The following ZSWIM6 variants were observed in gnomAD, a reference collection of about 807,000 sequenced individuals.
ZSWIM6 encodes the protein zinc finger SWIM domain-containing protein 6.
In ZSWIM6, 9 loss-of-function variants were observed where a neutral mutation model predicts 113.2. The ratio of observed to expected loss-of-function variants is 0.08; its 90% CI spans 0.05 to 0.14. The LOEUF is 0.14. Ranked by LOEUF, ZSWIM6 falls within the 10% of genes least tolerant of loss-of-function variation. The pLI, the probability that ZSWIM6 is intolerant of heterozygous loss-of-function variation, is 1.00. For missense variants in ZSWIM6, 1,162 were observed against 1,552.2 expected (o/e 0.75, Z 4.22); for synonymous variants, 611 against 606.5 (o/e 1.01, Z -0.11).
In ZSWIM6 at chr5:61,531,851, G is replaced by A. The variant is rs912092933; in HGVS notation, c.2245+126G>A. On this transcript the variant is annotated intron_variant, in intron 9 of 13. Coordinates refer to ENST00000252744, the MANE Select transcript of ZSWIM6 (RefSeq NM_020928.2). ...TTATCCTGATTGCTATAGTCATGGGGTATCAAAGACATGTTCGCTGTCTAA... is the reference window on the plus strand; with the variant it reads ...TTATCCTGATTGCTATAGTCATGGGATATCAAAGACATGTTCGCTGTCTAA... 55 of 1,061,850 alleles carry A rather than the reference G, an allele frequency of 5.2e-5. No homozygotes were observed. The African/African-American group carries it at 8.3e-4, about 16-fold the overall frequency. The allele number at this position is 1,061,850 out of a possible 1,614,324, so 65.8% of individuals were successfully genotyped here.
chr5:61,373,034 C>T (rs1387456991), intron 1 of ZSWIM6, among the ~76,000 whole-genome samples: 1 of 152,096 alleles, frequency 6.6e-6, no homozygotes. Context: ...ATTTTCACTT[C>T]CTTTCTCCAG....
chr5:61,449,773 T>C (rs1747046831), intron 1 of ZSWIM6, among the ~76,000 whole-genome samples: 1 of 151,964 alleles, frequency 6.6e-6, no homozygotes, highest in Non-Finnish European at 1.5e-5. Context: ...TATGCTCTTT[T>C]CCCCTCTCCT....
intron 1 of ZSWIM6, among the ~76,000 whole-genome samples, chr5:61,397,969 G>T (rs752933247): frequency 1.3e-5 from 2 of 152,168 alleles, no homozygotes; most frequent in African/African-American, 2.4e-5. Context: ...TCTATACTTA[G>T]TCTTCCCTGC....
chr5:61,403,144 A>G (rs1238398146), intron 1 of ZSWIM6, among the ~76,000 whole-genome samples: 1 of 152,246 alleles, frequency 6.6e-6, no homozygotes, highest in Non-Finnish European at 1.5e-5. Context: ...TTCAGACTTA[A>G]TTGAGGACAC....
At chr5:61,485,916 T>C (rs1438345087) in intron 2 of ZSWIM6, among the ~76,000 whole-genome samples, 1 of 152,214 alleles carries the variant, frequency 6.6e-6, no homozygotes, top group African/African-American at 2.4e-5. Context: ...AAGGATATAC[T>C]GACATGTAAG....
At chr5:61,440,898 T>C (rs1746816367) in intron 1 of ZSWIM6, among the ~76,000 whole-genome samples, 1 of 152,190 alleles carries the variant, frequency 6.6e-6, no homozygotes, top group Non-Finnish European at 1.5e-5. Flanking sequence ...CAATTCACTA[T>C]AGTGTTGTGT....
chr5:61,393,546 G>A (rs915916509), intron 1 of ZSWIM6, among the ~76,000 whole-genome samples: 3 of 151,864 alleles, frequency 2.0e-5, no homozygotes, highest in African/African-American at 4.8e-5. Context: ...TATAGTCAGC[G>A]CTCCCAGAAA....
At chr5:61,434,097 ATAC>A (rs1746645660) in intron 1 of ZSWIM6, among the ~76,000 whole-genome samples, 1 of 147,404 alleles carries the variant, frequency 6.8e-6, no homozygotes. Context: ...TGTATTATAT[ATAC>A]TATATATAAC....
intron 3 of ZSWIM6, among the ~76,000 whole-genome samples, chr5:61,494,056 A>C (rs1290509288): frequency 6.6e-6 from 1 of 151,564 alleles, no homozygotes; most frequent in African/African-American, 2.4e-5. Flanking sequence ...AGTGGTTTTA[A>C]ATTTTATATT....
At chr5:61,460,622 C>G (rs1356782527) in intron 1 of ZSWIM6, among the ~76,000 whole-genome samples, 1 of 152,198 alleles carries the variant, frequency 6.6e-6, no homozygotes, top group East Asian at 1.9e-4. Flanking sequence ...CTTGTTAACT[C>G]AAATTGTCCA....
chr5:61,375,038 C>T (rs1409969879), intron 1 of ZSWIM6: 7 of 1,349,582 alleles, frequency 5.2e-6, no homozygotes, highest in Non-Finnish European at 7.4e-6. Flanking sequence ...GGGACCAAGT[C>T]TATAAGATAT....
intron 1 of ZSWIM6, among the ~76,000 whole-genome samples, chr5:61,404,412 C>G (rs12518479): frequency 0.21 from 32,477 of 151,986 alleles, 3,653 homozygotes; most frequent in South Asian, 0.31. Flanking sequence ...CTGCCATCGC[C>G]CTCTTGAAGT....
chr5:61,333,009 G>GGGGCCCCCCCCCCC, intron 1 of ZSWIM6, 61 bp downstream of exon 1: 2 of 439,844 alleles, frequency 4.5e-6, no homozygotes, highest in Non-Finnish European at 6.4e-6. Context: ...TGGGGGGGGG[G>GGGGCCCCCCCCCCC]TGCCCGCCTT....
intron 1 of ZSWIM6, among the ~76,000 whole-genome samples, chr5:61,407,566 T>G (rs1169592767): frequency 6.6e-6 from 1 of 152,100 alleles, no homozygotes; most frequent in Non-Finnish European, 1.5e-5. Context: ...TCTTAAAATA[T>G]ATAAAAAAGA....
intron 1 of ZSWIM6, chr5:61,391,132 C>T: frequency 1.3e-6 from 1 of 767,712 alleles, no homozygotes; most frequent in Non-Finnish European, 2.4e-6. Context: ...TTTGCACAGG[C>T]CTCGATGGGT....
At chr5:61,346,699 T>C (rs1489179598) in intron 1 of ZSWIM6, among the ~76,000 whole-genome samples, 5 of 152,232 alleles carry the variant, frequency 3.3e-5, no homozygotes, top group African/African-American at 1.2e-4. Context: ...AGTGCTCAGA[T>C]GACTTTCCTT....
At chr5:61,344,779 C>G (rs1744620127) in intron 1 of ZSWIM6, among the ~76,000 whole-genome samples, 1 of 152,228 alleles carries the variant, frequency 6.6e-6, no homozygotes, top group Admixed American at 6.5e-5. Context: ...CACGACGGCA[C>G]AGGGTCAGCA....
At chr5:61,411,747 A>G (rs1315161680) in intron 1 of ZSWIM6, among the ~76,000 whole-genome samples, 3 of 152,114 alleles carry the variant, frequency 2.0e-5, no homozygotes, top group Non-Finnish European at 4.4e-5. Context: ...ATGTGGTAGA[A>G]GGAAAGGATG....
At chr5:61,430,564 G>A (rs1384827656) in intron 1 of ZSWIM6, among the ~76,000 whole-genome samples, 2 of 152,002 alleles carry the variant, frequency 1.3e-5, no homozygotes, top group Non-Finnish European at 2.9e-5. Flanking sequence ...CTATGTATAC[G>A]CAGATTTTTT....
Sources: gnomAD v4.1 joint callset for allele counts (sites outside exome capture counted in the v4.1 genomes callset) on GRCh38, gnomAD v4.1.1 for gene constraint, MANE v1.5 for transcripts, NCBI Gene and HGNC (gene_info 2026-07-23, HGNC 2026-07-21) for gene names.